Variants in NSD3 observed in about 807,000 individuals in gnomAD.
The protein encoded by NSD3 is histone-lysine N-methyltransferase NSD3.
Under a neutral mutation model 160.8 loss-of-function variants are expected in NSD3, and 24 were observed. The ratio of observed to expected loss-of-function variants is 0.15; its 90% CI spans 0.11 to 0.21. The LOEUF is 0.21. NSD3 is among the 10% of genes least tolerant of loss of function. NSD3 has a pLI of 1.00. For missense variants in NSD3, 1,157 were observed against 1,735.9 expected (o/e 0.67, Z 5.93); for synonymous variants, 520 against 600.0 (o/e 0.87, Z 1.95).
rs778055355 is a variant in NSD3 at position 38,321,429 on chromosome 8, T to C, written c.1709-257A>G. ...TAAAGGGGGATTGGTTTTTTAAAAA[T>C]TGAAAAGTCAAACTAAAACAGCAGA... is the stretch of plus-strand genomic sequence containing the variant. On this transcript the variant is annotated intron_variant, in intron 7 of 23. Transcript: ENST00000317025. The surrounding 1 kb of genome is among the most constrained non-coding windows in gnomAD (Gnocchi z 4.7). Among the ~76,000 whole-genome samples, 10 of 152,126 alleles carry C rather than the reference T, an allele frequency of 6.6e-5. No individual in the cohort carries two copies. The highest frequency in any genetic ancestry group is 1.3e-4 in the Non-Finnish European group (9 of 68,014).
chr8:38,317,665 A>C lies in NSD3; in HGVS notation c.1855+1230T>G. 2 of 1,223,470 alleles carry C rather than the reference A, an allele frequency of 1.6e-6. No individual in the cohort carries two copies. Among genetic ancestry groups the C allele is most frequent in the Non-Finnish European group, 2.0e-6 (2 of 975,688 alleles). The allele number at this position is 1,223,470 out of a possible 1,614,324, so 75.8% of individuals were successfully genotyped here. A position where few individuals can be genotyped will look rare whatever the true frequency, so the allele number is the denominator to read the frequency against. On this transcript the variant is annotated intron_variant, in intron 9 of 23. Coordinates refer to ENST00000317025, the MANE Select transcript of NSD3 (RefSeq NM_023034.2). This position sits in a 1 kb window ranked among gnomAD's most constrained non-coding sequence, Gnocchi z 5.3. ...ATGATGCTTTATTTAAAAACAAAAA[A>C]CCAAAAACAGTCCATGTTGAAATTG...
chr8:38,312,524 A>C lies in NSD3; in HGVS notation c.2242+2123T>G, dbSNP rs1161668901. On this transcript the variant is annotated intron_variant, in intron 12 of 23. Coordinates refer to ENST00000317025, the MANE Select transcript of NSD3 (RefSeq NM_023034.2). Reference sequence around the variant, plus strand: ...TGTCCCCACCCAAATCTCCTGTTGAAATATAATCCCCAATGTTGGAAGTGA... The same window carrying C: ...TGTCCCCACCCAAATCTCCTGTTGACATATAATCCCCAATGTTGGAAGTGA... Among the ~76,000 whole-genome samples, 6 of 152,044 alleles carry C rather than the reference A, an allele frequency of 3.9e-5. 1 individual carries two copies. The South Asian group carries it at 1.2e-3, about 32-fold the overall frequency.
At chr8:38,311,451 C>T (rs1035438863) in intron 12 of NSD3, among the ~76,000 whole-genome samples, 4 of 152,148 alleles carry the variant, frequency 2.6e-5, no homozygotes, top group Admixed American at 2.6e-4. Flanking sequence ...CTCAGCTTCC[C>T]GAGTAGCTGG....
chr8:38,346,781 A>C (rs1810548705), intron 2 of NSD3, among the ~76,000 whole-genome samples: 1 of 152,194 alleles, frequency 6.6e-6, no homozygotes, highest in Admixed American at 6.5e-5. Flanking sequence ...TAACTTATTC[A>C]GGTATAACAC....
chr8:38,290,419 G>A (rs995435285), intron 17 of NSD3, 56 bp downstream of exon 17: 17 of 1,570,940 alleles, frequency 1.1e-5, no homozygotes, highest in Non-Finnish European at 2.6e-6. Context: ...AGGAGATGTT[G>A]AGAAACTGAC....
chr8:38,291,671 CT>C (rs1809000104), intron 16 of NSD3, among the ~76,000 whole-genome samples: 1 of 152,134 alleles, frequency 6.6e-6, no homozygotes, highest in South Asian at 2.1e-4. Context: ...GTGATTGATA[CT>C]TGGTTCGTTC....
At position 38,317,846 on chromosome 8, in the gene NSD3, T is replaced by C; in HGVS notation, c.1855+1049A>G. On this transcript the variant is annotated intron_variant, in intron 9 of 23. Coordinates refer to ENST00000317025, the MANE Select transcript of NSD3 (RefSeq NM_023034.2). The surrounding 1 kb of genome is among the most constrained non-coding windows in gnomAD (Gnocchi z 5.3). The stretch of plus-strand genomic sequence containing the variant: ...GCAGGAAAATGCCAATAATGATGAT[T>C]GGCGAAATCAAAATCGAAAACAAAG... 2 of 1,530,984 alleles carry C rather than the reference T, an allele frequency of 1.3e-6. No homozygotes were observed. Among genetic ancestry groups the C allele is most frequent in the Non-Finnish European group, 1.8e-6 (2 of 1,137,620 alleles). 94.8% of individuals were successfully genotyped at this position (1,530,984 alleles called of 1,614,324 possible).
chr8:38,344,862 G>T (rs966998389), intron 2 of NSD3, among the ~76,000 whole-genome samples: 26 of 152,144 alleles, frequency 1.7e-4, no homozygotes, highest in African/African-American at 5.6e-4. Context: ...AACACCAAGG[G>T]CTGGGACCCC....
chr8:38,281,446 A>C (rs768116510), intron 20 of NSD3, 21 bp downstream of exon 20: 69 of 535,364 alleles, frequency 1.3e-4, no homozygotes, highest in Middle Eastern at 3.9e-4. Context: ...TTTTTCTTAC[A>C]AAAAAAAAAA....
intron 19 of NSD3, among the ~76,000 whole-genome samples, chr8:38,282,643 C>T (rs1007068739): frequency 6.6e-6 from 1 of 152,210 alleles, no homozygotes; most frequent in East Asian, 1.9e-4. Flanking sequence ...TGCCCTCCAG[C>T]CTGGGTGACA....
intron 19 of NSD3, among the ~76,000 whole-genome samples, chr8:38,282,046 T>G (rs2130985391): frequency 6.6e-6 from 1 of 152,338 alleles, no homozygotes; most frequent in East Asian, 1.9e-4. Flanking sequence ...ATGGGAAATC[T>G]TGGGAACATT....
At chr8:38,276,145 A>C (rs1202650325) in intron 23 of NSD3, 151 bp downstream of exon 23, 1 of 929,984 alleles carries the variant, frequency 1.1e-6, no homozygotes, top group African/African-American at 1.7e-5. Context: ...GGTATCCCAA[A>C]TGTGTAAGGG....
chr8:38,315,626 A>T (rs1213079976), intron 10 of NSD3, 82 bp from the exon 11 acceptor site: 1 of 1,554,886 alleles, frequency 6.4e-7, no homozygotes, highest in Admixed American at 1.8e-5. Flanking sequence ...TCCTAGTAAG[A>T]CTTGCTCAAA....
rs1278111585 is a variant in NSD3 at position 38,347,518 on chromosome 8, T to G, written c.654A>C (p.Lys218Asn). Residue 218 changes from lysine to asparagine, a missense_variant, in exon 2 of 24, where the codon AAA becomes AAC. Physicochemically the swap from Lys to Asn is moderately conservative, Grantham distance 94. This residue lies in a region of NSD3 where 99 missense variants were observed against 151.8 expected (regional missense o/e 0.65). Transcript: ENST00000317025. ...TTACATTTTGTTCCTCTGGTTCTAA[T>G]TTGGGGATTTTGTGTGACTTGCGCT... is the stretch of plus-strand genomic sequence containing the variant. ...SEERKSHKIPKLEPEEQNRPN... is the reference protein window; with the variant it reads ...SEERKSHKIPNLEPEEQNRPN... The G allele has an allele frequency of 6.3e-7, 1 of 1,580,598 alleles. No homozygotes were observed. Among genetic ancestry groups the G allele is most frequent in the South Asian group, 1.2e-5 (1 of 85,552 alleles).
Position 38,272,483 on chromosome 8 carries a change from G to A in NSD3, c.*3158C>T, listed in dbSNP as rs1808505228. 6.6e-6 allele frequency: 1 copy of A among 152,292 alleles called. No homozygotes were observed. The highest frequency in any genetic ancestry group is 1.5e-5 in the Non-Finnish European group (1 of 68,118). The allele number at this position is 152,292 out of a possible 1,614,324, so 9.4% of individuals were successfully genotyped here. ...ACCTTGCCCTTCTCAGCCAGCCACA[G>A]GCAGCTCTTCTGATTCTTCCCTCGC... On this transcript the variant is annotated 3_prime_UTR_variant, in exon 24 of 24. Coordinates refer to ENST00000317025, the MANE Select transcript of NSD3 (RefSeq NM_023034.2).
chr8:38,377,021 C>T (rs1320619365), intron 1 of NSD3, among the ~76,000 whole-genome samples: 1 of 152,032 alleles, frequency 6.6e-6, no homozygotes, highest in East Asian at 1.9e-4. Flanking sequence ...AGCTGTGGAT[C>T]CATATGTACT....
At chr8:38,284,381 G>T (rs572365697) in intron 19 of NSD3, among the ~76,000 whole-genome samples, 2 of 152,308 alleles carry the variant, frequency 1.3e-5, no homozygotes, top group East Asian at 3.9e-4. Context: ...TATACTTAAT[G>T]ATGTTAGGGC....
At chr8:38,302,457 A>C (rs1809299908) in intron 14 of NSD3, among the ~76,000 whole-genome samples, 1 of 152,238 alleles carries the variant, frequency 6.6e-6, no homozygotes, top group African/African-American at 2.4e-5. Flanking sequence ...TTTCACAGTT[A>C]AAATATGTGG....
intron 1 of NSD3, among the ~76,000 whole-genome samples, chr8:38,370,301 A>G (rs1253296212): frequency 6.6e-6 from 1 of 152,066 alleles, no homozygotes; most frequent in African/African-American, 2.4e-5. Flanking sequence ...GTGTTTCTAA[A>G]TCAAATTTGA....
Sources: allele counts gnomAD v4.1 joint callset (sites outside exome capture counted in the v4.1 genomes callset), GRCh38; gene constraint gnomAD v4.1.1; regional missense constraint gnomAD v4.1.1; non-coding constraint Gnocchi (gnomAD v3.1); transcripts MANE v1.5; gene names NCBI Gene and HGNC (gene_info 2026-07-23, HGNC 2026-07-21).